TRA2B: variants seen among roughly 807,000 people sequenced by gnomAD.
The protein encoded by TRA2B is transformer-2 protein homolog beta.
Under a neutral mutation model 41.7 loss-of-function variants are expected in TRA2B, and 14 were observed. That is an observed-to-expected ratio of 0.34 (90% CI 0.22 to 0.53). The LOEUF is 0.53. TRA2B is among the 20% of genes least tolerant of loss of function. The pLI is 0.95. For missense variants in TRA2B, 167 were observed against 396.8 expected (o/e 0.42, Z 4.92); for synonymous variants, 130 against 128.8 (o/e 1.01, Z -0.06).
intron 1 of TRA2B, chr3:185,927,586 G>C (rs1385915070): frequency 6.6e-6 from 1 of 152,200 alleles, no homozygotes; most frequent in East Asian, 1.9e-4. Flanking sequence ...GGAAGCAAAA[G>C]AGTACAGAAA....
At chr3:185,936,603 C>G (rs1023274980) in intron 1 of TRA2B, 1 of 984,792 alleles carries the variant, frequency 1.0e-6, no homozygotes, top group South Asian at 4.7e-5. Context: ...ATTTAATAGT[C>G]TTATTTACCT....
In TRA2B at chr3:185,921,133, A is replaced by G. The variant is rs1200855406; in HGVS notation, c.693T>C (p.Asp231=). Residue 231 remains aspartate, a synonymous_variant, in exon 6 of 9, where the codon GAT becomes GAC. Transcript: ENST00000453386. ...YYDRGYDRGY[D]DRDYYSRSYR... Reference sequence around the variant, plus strand: ...ATGATCTGCTATAGTAGTCCCGATCATCATAGCCCCGATCATATCCTCTGT... The same window carrying G: ...ATGATCTGCTATAGTAGTCCCGATCGTCATAGCCCCGATCATATCCTCTGT... The G allele has an allele frequency of 2.5e-6, 4 of 1,614,156 alleles. No individual in the cohort carries two copies. Among genetic ancestry groups the G allele is most frequent in the East Asian group, 2.2e-5 (1 of 44,876 alleles).
intron 1 of TRA2B, chr3:185,931,718 TTCTGG>T: frequency 7.1e-7 from 1 of 1,409,692 alleles, no homozygotes; most frequent in Non-Finnish European, 9.2e-7. Flanking sequence ...CAAGTGGGAC[TTCTGG>T]TCTGATAATT....
At chr3:185,918,603 G>C (rs57681380) in intron 7 of TRA2B, among the ~76,000 whole-genome samples, 165 bp from the exon 8 acceptor site, 74 of 152,272 alleles carry the variant, frequency 4.9e-4, no homozygotes, top group African/African-American at 1.8e-3. Context: ...ACATTATCAG[G>C]CCCAAGTGTC....
intron 1 of TRA2B, among the ~76,000 whole-genome samples, chr3:185,930,878 G>A (rs192383286): frequency 6.6e-6 from 1 of 152,304 alleles, no homozygotes; most frequent in Non-Finnish European, 1.5e-5. Context: ...TAGCTATCCT[G>A]TTCACTTGTG....
intron 1 of TRA2B, among the ~76,000 whole-genome samples, chr3:185,930,994 G>A (rs1744128647): frequency 6.6e-6 from 1 of 152,134 alleles, no homozygotes; most frequent in African/African-American, 2.4e-5. Flanking sequence ...CCATCCCTGT[G>A]TATTTAGCAA....
At chr3:185,937,444 C>G (rs1744407775) in intron 1 of TRA2B, 1 of 1,037,774 alleles carries the variant, frequency 9.6e-7, no homozygotes, top group Non-Finnish European at 1.2e-6. Flanking sequence ...CCTCTGGCAG[C>G]TCGCCCAGCC....
intron 1 of TRA2B, chr3:185,937,216 G>A (rs1286030275): frequency 3.0e-6 from 3 of 985,640 alleles, no homozygotes; most frequent in Non-Finnish European, 1.2e-6. Flanking sequence ...CCAGAACTTA[G>A]TCGGCCTTGG....
At position 185,915,558 on chromosome 3, in the gene TRA2B, AGTCT is replaced by A. The variant is rs972642945; in HGVS notation, c.*2153_*2156del. ...CTACCACTTTGTCTCACTACTTCTC[AGTCT>A]ATCTCAACTTGGTAAAATTCCAAAT... On this transcript the variant is annotated 3_prime_UTR_variant, in exon 9 of 9. Transcript: ENST00000453386. 6.6e-6 allele frequency among the ~76,000 whole-genome samples: 1 copy of A among 152,152 alleles called. No individual in the cohort carries two copies. Among genetic ancestry groups the A allele is most frequent in the African/African-American group, 2.4e-5 (1 of 41,446 alleles).
In TRA2B at chr3:185,926,687, T is replaced by C. The variant is rs1193075959; in HGVS notation, c.84A>G (p.Lys28=). The C allele has an allele frequency of 6.2e-7, 1 of 1,614,150 alleles. No individual in the cohort carries two copies. Among genetic ancestry groups the C allele is most frequent in the South Asian group, 1.1e-5 (1 of 91,082 alleles). The change falls in exon 2 of 9, where the codon AAA becomes AAG. Residue 28 remains lysine, a synonymous_variant. Transcript: ENST00000453386. The part of the protein sequence containing the change: ...SRSGSAHGSG[K]SARHTPARSR... ...ACCTTGCAGGGGTATGCCTTGCAGA[T>C]TTCCCCGATCCGTGAGCACTTCCAC...
At position 185,923,990 on chromosome 3, in the gene TRA2B, GAA is replaced by G. The variant is rs757369157; in HGVS notation, c.334-8_334-7del. 5.4e-6 allele frequency: 8 copies of G among 1,482,172 alleles called. No individual in the cohort carries two copies. Among genetic ancestry groups the G allele is most frequent in the East Asian group, 4.8e-5 (2 of 41,368 alleles). 91.8% of individuals were successfully genotyped at this position (1,482,172 alleles called of 1,614,324 possible). Reference sequence around the variant, plus strand: ...CAGTTAGGATCAGGATTTGCCTAGGGAAAAAAAAAAGTTTTAAACTTTGGAAA... The same window carrying G: ...CAGTTAGGATCAGGATTTGCCTAGGGAAAAAAAAGTTTTAAACTTTGGAAA... On this transcript the variant is annotated splice_region_variant and splice_polypyrimidine_tract_variant and intron_variant, in intron 3 of 8. Transcript: ENST00000453386.
In TRA2B at chr3:185,937,932, G is replaced by A. The variant is rs564688811; in HGVS notation, c.-72C>T. On this transcript the variant is annotated 5_prime_UTR_variant, in exon 1 of 9. Coordinates refer to ENST00000453386, the MANE Select transcript of TRA2B (RefSeq NM_004593.3). ...CAACCTCTTGCACCTTCCTTAAGGA[G>A]GCTCCGCCGCAGCCCCGCACGACGC... 12 of 1,588,906 alleles carry A rather than the reference G, an allele frequency of 7.6e-6. No individual in the cohort carries two copies. Among genetic ancestry groups the A allele is most frequent in the South Asian group, 1.1e-5 (1 of 90,364 alleles).
chr3:185,915,635 G>C lies in TRA2B; in HGVS notation c.*2080C>G, dbSNP rs953493937. On this transcript the variant is annotated 3_prime_UTR_variant, in exon 9 of 9. Transcript: ENST00000453386. ...AACACTCTTTGTAGCCATGTCAAAT[G>C]GCTAAAATTCTTTCAAATCTAAAAG... 5.9e-5 allele frequency among the ~76,000 whole-genome samples: 9 copies of C among 152,096 alleles called. No homozygotes were observed. The highest frequency in any genetic ancestry group is 5.9e-4 in the Admixed American group (9 of 15,270).
chr3:185,926,789 CAAAT>C (rs1183715548), intron 1 of TRA2B, 55 bp from the exon 2 acceptor site: 25 of 1,596,590 alleles, frequency 1.6e-5, no homozygotes, highest in East Asian at 4.5e-5. Flanking sequence ...ACTTTAAAAA[CAAAT>C]AAGCTGCTGT....
chr3:185,921,514 C>T (rs1331752821), intron 5 of TRA2B, among the ~76,000 whole-genome samples: 1 of 152,192 alleles, frequency 6.6e-6, no homozygotes, highest in African/African-American at 2.4e-5. Context: ...CCTGTAATCC[C>T]AGCTCTTTGG....
intron 1 of TRA2B, chr3:185,936,331 C>G: frequency 8.1e-6 from 8 of 985,350 alleles, no homozygotes; most frequent in Non-Finnish European, 9.6e-6. Context: ...TCAATCCCAA[C>G]TTTCTTACCC....
At position 185,916,379 on chromosome 3, in the gene TRA2B, T is replaced by C. The variant is rs1052053556; in HGVS notation, c.*1336A>G. ...ATTATATGTAAAGTTCTTCCCAAAGTACCTGAAACATACTAATACCTAGAT... is the reference window on the plus strand; with the variant it reads ...ATTATATGTAAAGTTCTTCCCAAAGCACCTGAAACATACTAATACCTAGAT... On this transcript the variant is annotated 3_prime_UTR_variant, in exon 9 of 9. Coordinates refer to ENST00000453386, the MANE Select transcript of TRA2B (RefSeq NM_004593.3). 6.6e-6 allele frequency: 1 copy of C among 152,194 alleles called. No individual in the cohort carries two copies. The highest frequency in any genetic ancestry group is 1.5e-5 in the Non-Finnish European group (1 of 68,042). 9.4% of individuals were successfully genotyped at this position (152,194 alleles called of 1,614,324 possible).
At chr3:185,936,865 A>T in intron 1 of TRA2B, 4 of 985,380 alleles carry the variant, frequency 4.1e-6, no homozygotes, top group Non-Finnish European at 4.8e-6. Flanking sequence ...TTTAAACCCT[A>T]GAACTGTCTT....
chr3:185,927,896 T>C (rs780682844), intron 1 of TRA2B: 2 of 152,216 alleles, frequency 1.3e-5, no homozygotes, highest in Non-Finnish European at 2.9e-5. Flanking sequence ...TTATTTTAGG[T>C]TATCAAACTT....
Sources: gnomAD v4.1 joint callset for allele counts (sites outside exome capture counted in the v4.1 genomes callset) on GRCh38, gnomAD v4.1.1 for gene constraint, MANE v1.5 for transcripts, NCBI Gene and HGNC (gene_info 2026-07-23, HGNC 2026-07-21) for gene names.